The following SGTB variants were observed in gnomAD, a reference collection of about 807,000 sequenced individuals.
SGTB encodes the protein small glutamine rich tetratricopeptide repeat co-chaperone beta.
SGTB carries 19 observed loss-of-function variants against 43.9 expected under a neutral mutation model. The ratio of observed to expected loss-of-function variants is 0.43; its 90% confidence interval spans 0.30 to 0.63. The LOEUF is 0.63. Among genes scored for constraint, SGTB ranks in the 30% least tolerant of loss-of-function variants. The pLI is 0.12. For synonymous variants in SGTB, 116 were observed against 117.3 expected, an observed-to-expected ratio of 0.99 and a Z score of 0.07; for missense variants, 304 against 358.9, an observed-to-expected ratio of 0.85 and a Z score of 1.24.
intron 5 of SGTB, among the ~76,000 whole-genome samples, chr5:65,699,505 CA>C (rs2150715839): frequency 6.6e-6 from 1 of 152,264 alleles, no homozygotes; most frequent in Admixed American, 6.5e-5. Flanking sequence ...TCCGTGTAAC[CA>C]AAAACCACAT....
intron 5 of SGTB, among the ~76,000 whole-genome samples, chr5:65,688,395 T>A (rs1757538689): frequency 6.6e-6 from 1 of 152,206 alleles, no homozygotes; most frequent in Non-Finnish European, 1.5e-5. Flanking sequence ...AATGCCTCAA[T>A]CTCATCTCTT....
At chr5:65,714,329 G>GA (rs141416103) in intron 2 of SGTB, among the ~76,000 whole-genome samples, 5,119 of 151,958 alleles carry the variant, frequency 0.034, 283 homozygotes, top group African/African-American at 0.12. Flanking sequence ...AAACCTAACA[G>GA]AAAAAAATCA....
intron 5 of SGTB, among the ~76,000 whole-genome samples, chr5:65,702,968 A>G (rs547821373): frequency 3.4e-4 from 52 of 152,346 alleles, no homozygotes; most frequent in Non-Finnish European, 6.0e-4. Flanking sequence ...TAGGGAGAGA[A>G]TTTTCAAAAT....
At chr5:65,679,910 A>G (rs1757360763) in intron 8 of SGTB, among the ~76,000 whole-genome samples, 2 of 152,250 alleles carry the variant, frequency 1.3e-5, no homozygotes, top group South Asian at 2.1e-4. Context: ...CATGGAATCA[A>G]TGCAAATGCC....
intron 5 of SGTB, among the ~76,000 whole-genome samples, chr5:65,702,452 C>T (rs891179570): frequency 6.6e-6 from 1 of 152,310 alleles, no homozygotes; most frequent in Non-Finnish European, 1.5e-5. Context: ...TGAACCCATA[C>T]AAAAGCCAGA....
intron 5 of SGTB, among the ~76,000 whole-genome samples, chr5:65,697,268 T>C (rs960034412): frequency 1.3e-5 from 2 of 152,220 alleles, no homozygotes; most frequent in African/African-American, 4.8e-5. Flanking sequence ...ACAATTTAAG[T>C]GCAAAAGAGA....
At chr5:65,705,864 CA>C (rs34082119) in intron 4 of SGTB, among the ~76,000 whole-genome samples, 79,513 of 125,726 alleles carry the variant, frequency 0.63, 23,113 homozygotes, top group Non-Finnish European at 0.66. Flanking sequence ...CCTATCTCTA[CA>C]AAAAAAAAAA....
At chr5:65,692,324 A>C (rs1757629703) in intron 5 of SGTB, among the ~76,000 whole-genome samples, 2 of 152,262 alleles carry the variant, frequency 1.3e-5, no homozygotes, top group African/African-American at 4.8e-5. Flanking sequence ...TTTTATTCAC[A>C]TCACCAAACC....
chr5:65,692,894 C>T (rs1037129284), intron 5 of SGTB, among the ~76,000 whole-genome samples: 7 of 151,952 alleles, frequency 4.6e-5, no homozygotes, highest in African/African-American at 1.7e-4. Context: ...ACCCTCCCAC[C>T]CCATATACCC....
intron 2 of SGTB, among the ~76,000 whole-genome samples, chr5:65,715,413 G>A (rs1418062433): frequency 6.6e-6 from 1 of 152,154 alleles, no homozygotes; most frequent in Non-Finnish European, 1.5e-5. Flanking sequence ...GTTTTCACAT[G>A]CTATGTACCT....
At position 65,700,442 on chromosome 5, in the gene SGTB, G is replaced by C. The variant is rs545217357; in HGVS notation, c.374+3837C>G. 2.0e-5 allele frequency among the ~76,000 whole-genome samples: 3 copies of C among 152,220 alleles called. No individual in the cohort carries two copies. The East Asian group carries it at 5.8e-4, about 29-fold the overall frequency. On this transcript the variant is annotated intron_variant, in intron 5 of 10. Coordinates refer to ENST00000381007, the MANE Select transcript of SGTB (RefSeq NM_019072.3). ...CCAGCACTTTGGGAGGCCGAGGCGG[G>C]TGGATCACGAGGTCAGGAGATCGAG...
chr5:65,680,858 A>G (rs1001864029), intron 6 of SGTB, 64 bp from the exon 7 acceptor site: 4 of 1,498,016 alleles, frequency 2.7e-6, no homozygotes, highest in Middle Eastern at 2.4e-4. Flanking sequence ...CATCACAAAC[A>G]TCGTCAAACG....
intron 10 of SGTB, among the ~76,000 whole-genome samples, chr5:65,671,376 T>G (rs1454467937): frequency 6.6e-6 from 1 of 152,118 alleles, no homozygotes; most frequent in African/African-American, 2.4e-5. Flanking sequence ...ATACCCCCAC[T>G]TAAAAACCAA....
chr5:65,692,281 A>C (rs1757629071), intron 5 of SGTB, among the ~76,000 whole-genome samples: 2 of 152,220 alleles, frequency 1.3e-5, no homozygotes, highest in African/African-American at 4.8e-5. Context: ...ACAGATGATA[A>C]AATATTTAAT....
chr5:65,667,033 T>G lies in SGTB; in HGVS notation c.*3213A>C, dbSNP rs1442087166. 4.6e-5 allele frequency: 7 copies of G among 152,218 alleles called. No individual in the cohort carries two copies. 9.4% of individuals were successfully genotyped at this position (152,218 alleles called of 1,614,324 possible). On this transcript the variant is annotated 3_prime_UTR_variant, in exon 11 of 11. Transcript: ENST00000381007. ...GGTAAAATTCATCACGGAAGTTATC[T>G]GGGCCTGTAGTTTTCTTTACTGGAA...
chr5:65,686,454 C>T (rs1757500664), intron 5 of SGTB, among the ~76,000 whole-genome samples: 1 of 152,162 alleles, frequency 6.6e-6, no homozygotes. Context: ...GTTCCTCTCC[C>T]ACTGCAATCT....
chr5:65,720,789 G>T lies in SGTB; in HGVS notation c.19C>A (p.Leu7Met), dbSNP rs770564352. The T allele has an allele frequency of 2.6e-5, 42 of 1,613,488 alleles. No homozygotes were observed. The Middle Eastern group carries it at 6.6e-4, about 25-fold the overall frequency. Residue 7 changes from leucine (L) to methionine (M), a missense_variant, in exon 2 of 11, where the codon CTG becomes ATG. Transcript: ENST00000381007. ...AAGAAACGAATAACTGCATAAACCAGGTGCTTGATAGATGACATTTTAGAA... is the reference window on the plus strand; with the variant it reads ...AAGAAACGAATAACTGCATAAACCATGTGCTTGATAGATGACATTTTAGAA... MSSIKH[L>M]VYAVIRFLRE...
chr5:65,692,558 A>G (rs1275184730), intron 5 of SGTB, among the ~76,000 whole-genome samples: 2 of 152,200 alleles, frequency 1.3e-5, no homozygotes, highest in African/African-American at 2.4e-5. Context: ...GGCTCATTCT[A>G]TAAGACAATT....
intron 8 of SGTB, among the ~76,000 whole-genome samples, chr5:65,673,446 C>T (rs1757197669): frequency 6.6e-6 from 1 of 152,156 alleles, no homozygotes; most frequent in African/African-American, 2.4e-5. Context: ...CACCTCCTGT[C>T]AGATCAGCTG....
Sources: allele counts gnomAD v4.1 joint callset (sites outside exome capture counted in the v4.1 genomes callset), GRCh38; gene constraint gnomAD v4.1.1; transcripts MANE v1.5; gene names NCBI Gene and HGNC (gene_info 2026-07-23, HGNC 2026-07-21).